The following ADAM17 variants were observed in gnomAD, a reference collection of about 807,000 sequenced individuals.
The protein encoded by ADAM17 is disintegrin and metalloproteinase domain-containing protein 17.
Under a neutral mutation model 96.7 loss-of-function variants are expected in ADAM17, and 39 were observed. The ratio of observed to expected loss-of-function variants is 0.40; its 90% CI spans 0.31 to 0.53. The LOEUF (loss-of-function observed/expected upper bound fraction) is 0.53, where lower values mean the gene tolerates loss of function less well. ADAM17 is among the 20% of genes least tolerant of loss of function. The pLI is 0.44. For synonymous variants in ADAM17, 344 were observed against 359.2 expected, an observed-to-expected ratio of 0.96 and a Z score of 0.48; for missense variants, 777 against 1,013.2, an observed-to-expected ratio of 0.77 and a Z score of 3.17.
intron 15 of ADAM17, among the ~76,000 whole-genome samples, chr2:9,494,167 A>T (rs1054979817): frequency 1.3e-5 from 2 of 152,162 alleles, no homozygotes; most frequent in African/African-American, 2.4e-5. Context: ...AAGCCTCGTA[A>T]ATCTTAAAAC....
chr2:9,497,061 C>A, intron 14 of ADAM17, 53 bp downstream of exon 14: 1 of 1,590,334 alleles, frequency 6.3e-7, no homozygotes, highest in African/African-American at 1.3e-5. Flanking sequence ...GGGAGCCTGG[C>A]AGACAAAGGC....
intron 13 of ADAM17, among the ~76,000 whole-genome samples, chr2:9,500,088 CATAG>C (rs71389253): frequency 0.52 from 78,201 of 151,570 alleles, 21,017 homozygotes; most frequent in Middle Eastern, 0.67. Context: ...CACAAAAACT[CATAG>C]ATAAATGTTC....
chr2:9,534,896 G>T (rs556499867), intron 4 of ADAM17, among the ~76,000 whole-genome samples: 2 of 152,216 alleles, frequency 1.3e-5, no homozygotes, highest in Non-Finnish European at 2.9e-5. Flanking sequence ...GCCTATTCTA[G>T]AATGAATGCA....
chr2:9,550,024 T>C (rs1665532949), intron 1 of ADAM17, among the ~76,000 whole-genome samples: 1 of 152,220 alleles, frequency 6.6e-6, no homozygotes, highest in African/African-American at 2.4e-5. Flanking sequence ...ATAAAGCCAG[T>C]ACTGCTGTGA....
chr2:9,521,426 A>G (rs1422986279), intron 7 of ADAM17, 110 bp from the exon 8 acceptor site: 16 of 736,540 alleles, frequency 2.2e-5, no homozygotes, highest in East Asian at 2.0e-4. Context: ...GAAAAAAAAC[A>G]TTTTAAAACC....
intron 6 of ADAM17, among the ~76,000 whole-genome samples, chr2:9,524,832 T>C (rs1314625846): frequency 2.6e-5 from 4 of 152,168 alleles, no homozygotes; most frequent in Admixed American, 6.5e-5. Flanking sequence ...GAAAATGACA[T>C]GAGAAAGAAC....
At chr2:9,494,508 G>A in intron 15 of ADAM17, 129 bp downstream of exon 15, 1 of 1,075,352 alleles carries the variant, frequency 9.3e-7, no homozygotes, top group Non-Finnish European at 1.3e-6. Context: ...AATACCCGTA[G>A]ATAACAATGG....
chr2:9,537,876 AGAGGGGAGGGGAGGG>A (rs1256562098), intron 2 of ADAM17, among the ~76,000 whole-genome samples: 21 of 63,574 alleles, frequency 3.3e-4, no homozygotes, highest in Non-Finnish European at 4.4e-4. Context: ...AGACAGGAAA[AGAGGGGAGGGGAGGG>A]GAGGGGAGGG....
intron 8 of ADAM17, among the ~76,000 whole-genome samples, chr2:9,518,806 T>C (rs1343402219): frequency 6.6e-6 from 1 of 152,110 alleles, no homozygotes; most frequent in African/African-American, 2.4e-5. Context: ...AGAGGATTTT[T>C]TTTTTCTTAA....
chr2:9,509,903 G>T, intron 11 of ADAM17, 76 bp downstream of exon 11: 1 of 1,547,014 alleles, frequency 6.5e-7, no homozygotes, highest in Non-Finnish European at 8.8e-7. Context: ...AATGGAATAC[G>T]TTTCTGAGCT....
At chr2:9,528,041 AG>A (rs1664596828) in intron 4 of ADAM17, 87 bp from the exon 5 acceptor site, 3 of 928,594 alleles carry the variant, frequency 3.2e-6, no homozygotes, top group Non-Finnish European at 4.5e-6. Context: ...GCTTGTTCTT[AG>A]ATAACATTCA....
In ADAM17 at chr2:9,555,609, C is replaced by G. The variant is rs1665723451; in HGVS notation, c.-4G>C. The G allele has an allele frequency of 6.4e-7, 1 of 1,563,194 alleles. No individual in the cohort carries two copies. Among genetic ancestry groups the G allele is most frequent in the East Asian group, 2.4e-5 (1 of 41,906 alleles). ...GGAATAGGAGAGACTGCCTCATGTT[C>G]CCGGCCCCGCTACCGACTCCACCTC... On this transcript the variant is annotated 5_prime_UTR_variant, in exon 1 of 19. Coordinates refer to ENST00000310823, the MANE Select transcript of ADAM17 (RefSeq NM_003183.6).
intron 12 of ADAM17, among the ~76,000 whole-genome samples, chr2:9,504,763 GAAA>G (rs55649546): frequency 4.2e-5 from 5 of 117,790 alleles, no homozygotes; most frequent in Non-Finnish European, 6.9e-5. Flanking sequence ...TCTGTCTCAG[GAAA>G]AAAAAAAAAA....
At chr2:9,525,759 C>T (rs955114186) in intron 6 of ADAM17, among the ~76,000 whole-genome samples, 2 of 152,138 alleles carry the variant, frequency 1.3e-5, no homozygotes, top group African/African-American at 4.8e-5. Flanking sequence ...TGGGTTCATG[C>T]AAATACATAT....
intron 13 of ADAM17, among the ~76,000 whole-genome samples, chr2:9,498,470 G>T (rs1055853871): frequency 2.0e-5 from 3 of 152,242 alleles, no homozygotes; most frequent in Admixed American, 6.5e-5. Context: ...AACACTTTAT[G>T]AAAGCAATGG....
chr2:9,493,087 C>T, intron 16 of ADAM17, 101 bp from the exon 17 acceptor site: 1 of 948,788 alleles, frequency 1.1e-6, no homozygotes, highest in Non-Finnish European at 1.6e-6. Flanking sequence ...GCCAGAGCTG[C>T]TGGCTAGACA....
chr2:9,504,751 ACT>A (rs1291287714), intron 12 of ADAM17, among the ~76,000 whole-genome samples: 2 of 143,546 alleles, frequency 1.4e-5, no homozygotes, highest in Non-Finnish European at 3.0e-5. Flanking sequence ...ACAGAGCAAG[ACT>A]CTGTCTCAGG....
At chr2:9,532,638 A>ATTTTTTTTTTTTTTTTTT (rs70948827) in intron 4 of ADAM17, among the ~76,000 whole-genome samples, 2 of 114,286 alleles carry the variant, frequency 1.7e-5, no homozygotes, top group Non-Finnish European at 1.7e-5. Context: ...TGCCCAGCTA[A>ATTTTTTTTTTTTTTTTTT]TTTTTTTTTT....
At chr2:9,533,864 G>C (rs1359392466) in intron 4 of ADAM17, among the ~76,000 whole-genome samples, 1 of 152,184 alleles carries the variant, frequency 6.6e-6, no homozygotes, top group Non-Finnish European at 1.5e-5. Flanking sequence ...TCAAGCCACA[G>C]GAGAGTAAGA....
Sources: allele counts gnomAD v4.1 joint callset (sites outside exome capture counted in the v4.1 genomes callset), GRCh38; gene constraint gnomAD v4.1.1; transcripts MANE v1.5; gene names NCBI Gene and HGNC (gene_info 2026-07-23, HGNC 2026-07-21).